The following MRPS9 variants were observed in gnomAD, a reference collection of about 807,000 sequenced individuals.
MRPS9 encodes the protein small ribosomal subunit protein uS9m.
A neutral mutation model predicts 59.9 loss-of-function variants in MRPS9; 45 were observed. The observed-to-expected ratio is 0.75, with a 90% CI of 0.59 to 0.96. MRPS9 has a LOEUF of 0.96. Among genes scored for constraint, MRPS9 ranks in the 40% least tolerant of loss-of-function variants. The probability of loss-of-function intolerance (pLI) is 0.00; values close to 1 mark genes in which losing one functional copy is unlikely to be tolerated. For missense variants in MRPS9, 473 were observed against 481.1 expected (o/e 0.98, Z 0.16); for synonymous variants, 171 against 166.8 (o/e 1.03, Z -0.19).
chr2:105,096,515 C>T (rs575451325), intron 9 of MRPS9, among the ~76,000 whole-genome samples: 42 of 152,120 alleles, frequency 2.8e-4, no homozygotes, highest in Admixed American at 5.2e-4. Context: ...TAGGCCCTGA[C>T]CGACCCTGAA....
chr2:105,047,364 TA>T (rs1380996692), intron 1 of MRPS9, among the ~76,000 whole-genome samples: 6 of 151,892 alleles, frequency 4.0e-5, no homozygotes, highest in Admixed American at 3.3e-4. Flanking sequence ...TAAAAACATA[TA>T]TTTTTTTCAT....
At chr2:105,044,156 G>A (rs1380921362) in intron 1 of MRPS9, among the ~76,000 whole-genome samples, 1 of 151,710 alleles carries the variant, frequency 6.6e-6, no homozygotes, top group Non-Finnish European at 1.5e-5. Flanking sequence ...GGCTAGTGTC[G>A]AACTCCTGAC....
chr2:105,097,991 C>T (rs1680703595), intron 10 of MRPS9, among the ~76,000 whole-genome samples: 1 of 152,170 alleles, frequency 6.6e-6, no homozygotes, highest in Non-Finnish European at 1.5e-5. Flanking sequence ...AGCTACCACA[C>T]CTGGCCTGTC....
rs190482116 is a variant in MRPS9 at position 105,057,871 on chromosome 2, G to A, written c.315+8521G>A. Reference sequence around the variant, plus strand: ...ATATTATGAATACAGACTTGCACTTGCGTTTACTAATGTCTTTATTTGGGA... The same window carrying A: ...ATATTATGAATACAGACTTGCACTTACGTTTACTAATGTCTTTATTTGGGA... On this transcript the variant is annotated intron_variant, in intron 2 of 10. Transcript: ENST00000258455. Among the ~76,000 whole-genome samples, 122 of 152,218 alleles carry A rather than the reference G, an allele frequency of 8.0e-4. 1 individual carries two copies. The Middle Eastern group carries it at 0.01, about 13-fold the overall frequency.
At chr2:105,078,362 A>T (rs1316998852) in intron 4 of MRPS9, among the ~76,000 whole-genome samples, 1 of 150,250 alleles carries the variant, frequency 6.7e-6, no homozygotes, top group Non-Finnish European at 1.5e-5. Flanking sequence ...ATATGTAATG[A>T]AATCAATCCC....
At chr2:105,089,883 G>A (rs779124813) in intron 6 of MRPS9, 37 bp from the exon 7 acceptor site, 3 of 1,381,516 alleles carry the variant, frequency 2.2e-6, no homozygotes, top group East Asian at 4.7e-5. Context: ...TAATTGCATG[G>A]CTAATTAAAA....
rs1239608787 is a variant in MRPS9 at position 105,071,367 on chromosome 2, G to C, written c.370G>C (p.Val124Leu). 1 of 1,609,006 alleles carries C rather than the reference G, an allele frequency of 6.2e-7. No homozygotes were observed. The highest frequency in any genetic ancestry group is 1.7e-5 in the Admixed American group (1 of 59,982). ...TTTGTTTGAGAAACGAGCCAGGCCA[G>C]TAATGAAGGTAGTTATCTTAATTAC... ...SGLFEKRARP[V>L]MKHPEQIFPR... is the part of the protein sequence containing the mutation. Residue 124 changes from valine to leucine, a missense_variant, in exon 3 of 11, where the codon GTA becomes CTA. Physicochemically the swap from Val to Leu is conservative, Grantham distance 32. Coordinates refer to ENST00000258455, the MANE Select transcript of MRPS9 (RefSeq NM_182640.3).
At chr2:105,050,144 C>CT (rs201774328) in intron 2 of MRPS9, among the ~76,000 whole-genome samples, 30,131 of 150,684 alleles carry the variant, frequency 0.2, 3,062 homozygotes, top group Middle Eastern at 0.34. Flanking sequence ...CTTTTCTTTT[C>CT]TTTTCTTTTT....
chr2:105,071,483 CA>C lies in MRPS9; in HGVS notation c.406del (p.Arg136GlufsTer26). The C allele has an allele frequency of 6.2e-7, 1 of 1,603,634 alleles. No homozygotes were observed. Among genetic ancestry groups the C allele is most frequent in the Non-Finnish European group, 8.5e-7 (1 of 1,173,666 alleles). Reference protein sequence around the residue: ...MKHPEQIFPRQRAIQWGEDGR... With the variant: ...MKHPEQIFPRXRAIQWGEDGR... ...GCATCCTGAACAGATTTTTCCAAGA[CA>C]AAGAGGTAAGTTTGTTCAAGAATGA... On this transcript the variant is annotated frameshift_variant, in exon 4 of 11. Coordinates refer to ENST00000258455, the MANE Select transcript of MRPS9 (RefSeq NM_182640.3). LOFTEE classifies it high-confidence loss of function.
intron 2 of MRPS9, among the ~76,000 whole-genome samples, chr2:105,062,837 A>G (rs1679931575): frequency 6.6e-6 from 1 of 152,338 alleles, no homozygotes; most frequent in Non-Finnish European, 1.5e-5. Context: ...GATTATATAG[A>G]GTATTTCCAT....
chr2:105,051,954 A>G lies in MRPS9; in HGVS notation c.315+2604A>G, dbSNP rs1318519163. Among the ~76,000 whole-genome samples the G allele has an allele frequency of 5.9e-5, 9 of 152,222 alleles. No homozygotes were observed. The East Asian group carries it at 9.6e-4, about 16-fold the overall frequency. On this transcript the variant is annotated intron_variant, in intron 2 of 10. Transcript: ENST00000258455. ...GGATTCCTTGGGATTTTCTAAATAC[A>G]GGATATAGCAAGATAGCCCATATAT...
intron 8 of MRPS9, among the ~76,000 whole-genome samples, chr2:105,093,224 G>C (rs1680594982): frequency 6.6e-6 from 1 of 152,078 alleles, no homozygotes; most frequent in African/African-American, 2.4e-5. Context: ...TATGTAAATT[G>C]GTTGTGGATT....
At chr2:105,060,972 A>G (rs1267204531) in intron 2 of MRPS9, among the ~76,000 whole-genome samples, 7 of 151,668 alleles carry the variant, frequency 4.6e-5, no homozygotes, top group South Asian at 2.1e-4. Context: ...TTAGCCGGGC[A>G]TGGTGGTGAG....
rs145395490 is a variant in MRPS9 at position 105,097,344 on chromosome 2, G to C, written c.1099+20G>C. 960 of 1,559,828 alleles carry C rather than the reference G, an allele frequency of 6.2e-4. 7 individuals carry two copies. In the African/African-American group the frequency reaches 0.011, roughly 19 times the overall value. On this transcript the variant is annotated intron_variant, in intron 10 of 10. Coordinates refer to ENST00000258455, the MANE Select transcript of MRPS9 (RefSeq NM_182640.3). ...GACAAGGTATGAGTCTAGGTGGGAC[G>C]GGCATGGTGGCCCAATACTGGCTAT...
chr2:105,049,207 A>G lies in MRPS9; in HGVS notation c.172A>G (p.Lys58Glu). Residue 58 changes from lysine to glutamate, a missense_variant, in exon 2 of 11, where the codon AAG becomes GAG. Lys to Glu is a moderately conservative substitution (Grantham distance 56). Transcript: ENST00000258455. ...AAGACATACTGCATTTGTAATACCAAAGAAAAACGTTCCTACCTCAAAACG... is the reference window on the plus strand; with the variant it reads ...AAGACATACTGCATTTGTAATACCAGAGAAAAACGTTCCTACCTCAAAACG... ...RLRHTAFVIP[K>E]KNVPTSKRET... 4.3e-6 allele frequency: 7 copies of G among 1,610,980 alleles called. No individual in the cohort carries two copies. Among genetic ancestry groups the G allele is most frequent in the South Asian group, 3.3e-5 (3 of 90,552 alleles).
chr2:105,059,392 C>T (rs865931151), intron 2 of MRPS9, among the ~76,000 whole-genome samples: 1 of 152,058 alleles, frequency 6.6e-6, no homozygotes, highest in African/African-American at 2.4e-5. Flanking sequence ...TGTTTGAATA[C>T]TAATGTGTTT....
rs1183069439 is a variant in MRPS9, at chr2:105,071,320, T to G, written c.323T>G (p.Ile108Ser). The change falls in exon 3 of 11, where the codon ATT becomes AGT. Residue 108 changes from isoleucine to serine, a missense_variant. Coordinates refer to ENST00000258455, the MANE Select transcript of MRPS9 (RefSeq NM_182640.3). ...TFTQEDIDRAIAYLFPSGLFE... is the reference protein window; with the variant it reads ...TFTQEDIDRASAYLFPSGLFE... ...CTTTGTGTATATTTTCAGAGAGCTA[T>G]TGCTTACCTTTTCCCAAGTGGTTTG... The G allele has an allele frequency of 1.2e-6, 2 of 1,610,122 alleles. No homozygotes were observed. Among genetic ancestry groups the G allele is most frequent in the Non-Finnish European group, 1.7e-6 (2 of 1,178,834 alleles).
chr2:105,079,372 A>T (rs1308341095), intron 4 of MRPS9, among the ~76,000 whole-genome samples: 1 of 152,076 alleles, frequency 6.6e-6, no homozygotes, highest in East Asian at 1.9e-4. Flanking sequence ...TCTTAGACTA[A>T]CACCACTTCT....
At chr2:105,060,233 A>C (rs915261136) in intron 2 of MRPS9, among the ~76,000 whole-genome samples, 1 of 152,136 alleles carries the variant, frequency 6.6e-6, no homozygotes, top group Non-Finnish European at 1.5e-5. Context: ...TGTTAATTTT[A>C]TATTAAGCTT....
Sources: allele counts gnomAD v4.1 joint callset (sites outside exome capture counted in the v4.1 genomes callset), GRCh38; gene constraint gnomAD v4.1.1; transcripts MANE v1.5; gene names NCBI Gene and HGNC (gene_info 2026-07-23, HGNC 2026-07-21).